The following ABCC9 variants were observed in gnomAD, a reference collection of about 807,000 sequenced individuals.
ABCC9 encodes ATP binding cassette subfamily C member 9, also known as ATP-binding cassette sub-family C member 9.
Under a neutral mutation model 188.3 loss-of-function variants are expected in ABCC9, and 95 were observed. The observed-to-expected ratio is 0.50, with a 90% CI of 0.43 to 0.60. ABCC9 has a LOEUF of 0.60. ABCC9 is among the 20% of genes least tolerant of loss of function. ABCC9 has a pLI of 0.00. For synonymous variants in ABCC9, 659 were observed against 652.7 expected (o/e 1.01, Z -0.15); for missense variants, 1,102 against 1,876.3 (o/e 0.59, Z 7.62).
intron 8 of ABCC9, among the ~76,000 whole-genome samples, chr12:21,911,686 A>C (rs1948331598): frequency 6.6e-6 from 1 of 151,988 alleles, no homozygotes; most frequent in African/African-American, 2.4e-5. Context: ...ATTTAGACCT[A>C]GTAGAATTCT....
Position 21,842,433 on chromosome 12 carries a change from T to C in ABCC9, c.3354A>G (p.Thr1118=), listed in dbSNP as rs1944439235. The change falls in exon 29 of 40, where the codon ACA becomes ACG. Residue 1118 remains threonine, a synonymous_variant. Coordinates refer to ENST00000261200, the MANE Select transcript of ABCC9 (RefSeq NM_020297.4). Reference sequence around the variant, plus strand: ...TCCCAATGGCAGACAGGCAGAGCAGTGTTGAGCGAGTTAGAGATTCCAAGG... The same window carrying C: ...TCCCAATGGCAGACAGGCAGAGCAGCGTTGAGCGAGTTAGAGATTCCAAGG... The part of the protein sequence containing the change: ...PPTLESLTRS[T]LLCLSAIGMI... 6.2e-7 allele frequency: 1 copy of C among 1,613,988 alleles called. No individual in the cohort carries two copies. The highest frequency in any genetic ancestry group is 1.3e-5 in the African/African-American group (1 of 74,910).
At chr12:21,810,407 A>G (rs1425915439) in intron 36 of ABCC9, among the ~76,000 whole-genome samples, 1 of 152,198 alleles carries the variant, frequency 6.6e-6, no homozygotes, top group Non-Finnish European at 1.5e-5. Context: ...ATAAGGACAT[A>G]CCCGAGACTG....
chr12:21,888,034 T>C, intron 14 of ABCC9, 100 bp from the exon 15 acceptor site: 1 of 875,202 alleles, frequency 1.1e-6, no homozygotes, highest in Non-Finnish European at 1.9e-6. Flanking sequence ...TTATGGTGAG[T>C]AGGATGCCTG....
In ABCC9 at chr12:21,838,149, A is replaced by G; in HGVS notation, c.3495T>C (p.Asp1165=). 1 of 1,614,092 alleles carries G rather than the reference A, an allele frequency of 6.2e-7. No individual in the cohort carries two copies. Among genetic ancestry groups the G allele is most frequent in the East Asian group, 2.2e-5 (1 of 44,872 alleles). Residue 1165 remains aspartate (D), a synonymous_variant, in exon 30 of 40, where the codon GAT becomes GAC. Coordinates refer to ENST00000261200, the MANE Select transcript of ABCC9 (RefSeq NM_020297.4). ...VASKDLQELD[D]STQLPLLCHF... ...GACAGAGCAGAGGGAGCTGGGTACT[A>G]TCGTCAAGTTCCTGGAGGTCCCTAG...
At chr12:21,913,151 C>T in intron 7 of ABCC9, 85 bp from the exon 8 acceptor site, 10 of 1,170,566 alleles carry the variant, frequency 8.5e-6, no homozygotes, top group Non-Finnish European at 1.2e-5. Flanking sequence ...ATGGAAATTC[C>T]TTCTTATACT....
intron 18 of ABCC9, among the ~76,000 whole-genome samples, chr12:21,866,924 G>A (rs1945810304): frequency 6.6e-6 from 1 of 152,152 alleles, no homozygotes; most frequent in Non-Finnish European, 1.5e-5. Context: ...TAAAAAATGG[G>A]TGGGGAATAA....
chr12:21,855,259 G>C (rs1458840747), intron 22 of ABCC9, among the ~76,000 whole-genome samples: 1 of 152,104 alleles, frequency 6.6e-6, no homozygotes, highest in East Asian at 1.9e-4. Flanking sequence ...TCACTCTGTC[G>C]CCCAGGCTGG....
chr12:21,852,199 A>G lies in ABCC9; in HGVS notation c.2667T>C (p.Ser889=), dbSNP rs1376141307. 2 of 1,613,852 alleles carry G rather than the reference A, an allele frequency of 1.2e-6. No individual in the cohort carries two copies. The highest frequency in any genetic ancestry group is 8.5e-7 in the Non-Finnish European group (1 of 1,179,918). Residue 889 remains serine (S), a synonymous_variant, in exon 24 of 40, where the codon AGT becomes AGC. Transcript: ENST00000261200. The part of the protein sequence containing the change: ...ADWIIAMKDG[S]VLREGTLKDI... ...CCTTCAAAGTTCCTTCTCTTAGGAC[A>G]CTTCCATCTTTCATGGCTATGATCT...
chr12:21,799,542 A>G lies in ABCC9; in HGVS notation c.*1502T>C, dbSNP rs1479500334. The G allele has an allele frequency of 1.3e-5, 2 of 152,192 alleles. No individual in the cohort carries two copies. The highest frequency in any genetic ancestry group is 2.9e-5 in the Non-Finnish European group (2 of 68,032). The allele number at this position is 152,192 out of a possible 1,614,324, so 9.4% of individuals were successfully genotyped here. On this transcript the variant is annotated 3_prime_UTR_variant, in exon 40 of 40. Coordinates refer to ENST00000261200, the MANE Select transcript of ABCC9 (RefSeq NM_020297.4). ...TTACAATTTAAGCTAAATATCATGG[A>G]CCATTTTTGTCCATCTTGTGGAACT...
intron 31 of ABCC9, 147 bp downstream of exon 31, chr12:21,828,811 T>G: frequency 1.4e-6 from 1 of 721,386 alleles, no homozygotes; most frequent in African/African-American, 1.7e-5. Context: ...ATCTGTAACA[T>G]AAACAAACCT....
At chr12:21,906,003 A>T in intron 12 of ABCC9, 123 bp downstream of exon 12, 1 of 1,137,328 alleles carries the variant, frequency 8.8e-7, no homozygotes, top group South Asian at 1.3e-5. Context: ...GCACGTGTTT[A>T]GAAAATAAAT....
At chr12:21,831,403 GC>G (rs1943753500) in intron 30 of ABCC9, among the ~76,000 whole-genome samples, 1 of 152,052 alleles carries the variant, frequency 6.6e-6, no homozygotes, top group Admixed American at 6.6e-5. Context: ...AAGACATTAT[GC>G]TAGACACTGA....
intron 12 of ABCC9, among the ~76,000 whole-genome samples, chr12:21,897,173 T>G (rs942824630): frequency 1.2e-4 from 18 of 152,178 alleles, no homozygotes; most frequent in Non-Finnish European, 1.6e-4. Context: ...TAATGATGAG[T>G]GATGTTGAGC....
intron 25 of ABCC9, among the ~76,000 whole-genome samples, chr12:21,847,021 C>T (rs1944704710): frequency 6.6e-6 from 1 of 152,076 alleles, no homozygotes; most frequent in Non-Finnish European, 1.5e-5. Context: ...TACTTCTTTT[C>T]TTCCCCTACT....
At chr12:21,841,506 G>A (rs963885569) in intron 29 of ABCC9, among the ~76,000 whole-genome samples, 1 of 151,374 alleles carries the variant, frequency 6.6e-6, no homozygotes, top group Non-Finnish European at 1.5e-5. Context: ...TTACAGGCGG[G>A]TGCCACCACG....
At chr12:21,916,047 C>T in intron 6 of ABCC9, 137 bp from the exon 7 acceptor site, 2 of 830,982 alleles carry the variant, frequency 2.4e-6, no homozygotes, top group Non-Finnish European at 3.7e-6. Flanking sequence ...CCATCCCTTT[C>T]TGAAATATTC....
chr12:21,856,223 A>G (rs1945218480), intron 22 of ABCC9, among the ~76,000 whole-genome samples: 1 of 152,150 alleles, frequency 6.6e-6, no homozygotes, highest in Non-Finnish European at 1.5e-5. Flanking sequence ...TGGCTTGAGA[A>G]ACATGTCTCC....
chr12:21,843,700 G>A (rs1371466332), intron 28 of ABCC9, among the ~76,000 whole-genome samples: 1 of 152,140 alleles, frequency 6.6e-6, no homozygotes, highest in East Asian at 1.9e-4. Context: ...TAAATAATGA[G>A]TGATTCATTT....
At chr12:21,905,789 G>A (rs1033716694) in intron 12 of ABCC9, among the ~76,000 whole-genome samples, 1 of 151,962 alleles carries the variant, frequency 6.6e-6, no homozygotes, top group Admixed American at 6.6e-5. Context: ...CTGATACCAG[G>A]GTTTTAATTA....
Sources: gnomAD v4.1 joint callset for allele counts (sites outside exome capture counted in the v4.1 genomes callset) on GRCh38, gnomAD v4.1.1 for gene constraint, MANE v1.5 for transcripts, NCBI Gene and HGNC (gene_info 2026-07-23, HGNC 2026-07-21) for gene names.